Variants in AFF3 observed in about 807,000 individuals in gnomAD.
The protein encoded by AFF3 is ALF transcription elongation factor 3.
A neutral mutation model predicts 129.7 loss-of-function variants in AFF3; 32 were observed. That is an observed-to-expected ratio of 0.25 (90% CI 0.19 to 0.33). AFF3 has a LOEUF of 0.33. Ranked by LOEUF, AFF3 falls within the 10% of genes least tolerant of loss-of-function variation. AFF3 has a pLI of 1.00. For synonymous variants in AFF3, 644 were observed against 635.4 expected (o/e 1.01, Z -0.20); for missense variants, 1,373 against 1,592.0 (o/e 0.86, Z 2.34).
At chr2:99,648,917 A>ACTCTCT (rs769906171) in intron 13 of AFF3, among the ~76,000 whole-genome samples, 10 of 46,872 alleles carry the variant, frequency 2.1e-4, no homozygotes, top group African/African-American at 6.5e-4. Flanking sequence ...ACACACACAC[A>ACTCTCT]CTCTCTCTCT....
intron 4 of AFF3, among the ~76,000 whole-genome samples, chr2:100,099,849 T>G (rs1172841800): frequency 6.6e-6 from 1 of 152,062 alleles, no homozygotes; most frequent in Admixed American, 6.5e-5. Context: ...GTATCACACA[T>G]AGTAATAAGC....
intron 7 of AFF3, among the ~76,000 whole-genome samples, chr2:99,930,661 A>C (rs1696605327): frequency 1.3e-5 from 2 of 152,162 alleles, no homozygotes; most frequent in Non-Finnish European, 2.9e-5. Flanking sequence ...TGGGTTCAAA[A>C]GCTTTGATGA....
chr2:100,107,543 TA>T, intron 2 of AFF3: 1 of 980,432 alleles, frequency 1.0e-6, no homozygotes. Flanking sequence ...GCTCATCCTA[TA>T]GTGCTTGTGA....
rs1302978048 is a variant in AFF3 at position 99,566,231 on chromosome 2, C to T, written c.2983-608G>A. 2.0e-5 allele frequency among the ~76,000 whole-genome samples: 3 copies of T among 151,796 alleles called. No homozygotes were observed. In the East Asian group the frequency reaches 5.8e-4, roughly 29 times the overall value. On this transcript the variant is annotated intron_variant, in intron 19 of 24. Coordinates refer to ENST00000672756, the MANE Select transcript of AFF3 (RefSeq NM_001386135.1). ...AGCTGGAATTACAGGCAGGCATAGG[C>T]CACCACACCTGGCCTCAATTGTTTT...
At chr2:99,963,355 C>T (rs1202491590) in intron 7 of AFF3, among the ~76,000 whole-genome samples, 1 of 152,068 alleles carries the variant, frequency 6.6e-6, no homozygotes, top group Non-Finnish European at 1.5e-5. Flanking sequence ...AAAAGAACAT[C>T]AGAATGGCTA....
At chr2:99,832,582 A>C (rs1688585766) in intron 8 of AFF3, among the ~76,000 whole-genome samples, 1 of 152,256 alleles carries the variant, frequency 6.6e-6, no homozygotes, top group South Asian at 2.1e-4. Context: ...TTCACCCCAA[A>C]GGATTAGCAT....
intron 7 of AFF3, among the ~76,000 whole-genome samples, chr2:99,909,519 TG>T (rs1308411005): frequency 1.3e-5 from 2 of 151,582 alleles, no homozygotes; most frequent in Admixed American, 1.3e-4. Flanking sequence ...GACGAGTTAC[TG>T]GGTGCAGCAC....
chr2:100,105,779 C>G, intron 2 of AFF3, 196 bp from the exon 3 acceptor site: 1 of 1,358,650 alleles, frequency 7.4e-7, no homozygotes, highest in Non-Finnish European at 9.8e-7. Context: ...ACTCTCCTGA[C>G]CTCTTGGCCA....
chr2:99,598,562 G>T (rs968621361), intron 14 of AFF3, among the ~76,000 whole-genome samples: 4 of 152,258 alleles, frequency 2.6e-5, no homozygotes, highest in African/African-American at 9.6e-5. Flanking sequence ...GCTGAGCCCA[G>T]TGGGTTTTCT....
chr2:100,063,982 G>A (rs1467959293), intron 4 of AFF3, among the ~76,000 whole-genome samples: 5 of 151,894 alleles, frequency 3.3e-5, no homozygotes, highest in South Asian at 2.1e-4. Context: ...CCAGCTACTC[G>A]GGAGGCTGAG....
chr2:99,908,000 T>C (rs576854776), intron 7 of AFF3, among the ~76,000 whole-genome samples: 1 of 152,274 alleles, frequency 6.6e-6, no homozygotes, highest in East Asian at 1.9e-4. Flanking sequence ...TATCTGGTCT[T>C]TAACAAAACT....
chr2:99,712,713 T>C (rs1678008449), intron 11 of AFF3, among the ~76,000 whole-genome samples: 1 of 152,032 alleles, frequency 6.6e-6, no homozygotes, highest in Non-Finnish European at 1.5e-5. Context: ...GTGTAGGTTA[T>C]AGTCATAAAG....
At chr2:99,985,690 G>A (rs1013101065) in intron 7 of AFF3, among the ~76,000 whole-genome samples, 1 of 152,262 alleles carries the variant, frequency 6.6e-6, no homozygotes. Flanking sequence ...ATGAGCAAAA[G>A]TAATTGTATC....
At chr2:99,722,473 G>A (rs1342230530) in intron 11 of AFF3, among the ~76,000 whole-genome samples, 2 of 152,118 alleles carry the variant, frequency 1.3e-5, no homozygotes, top group Non-Finnish European at 2.9e-5. Context: ...GATCTGTTTC[G>A]GTTTTGCCCT....
intron 13 of AFF3, among the ~76,000 whole-genome samples, chr2:99,633,541 C>A (rs955049015): frequency 1.3e-4 from 20 of 152,302 alleles, no homozygotes; most frequent in African/African-American, 4.3e-4. Flanking sequence ...TGTCCCCCAA[C>A]AAAACCAGCA....
intron 4 of AFF3, among the ~76,000 whole-genome samples, chr2:100,023,858 G>C (rs951705766): frequency 2.0e-5 from 3 of 152,232 alleles, no homozygotes; most frequent in African/African-American, 7.2e-5. Flanking sequence ...ATCTCAGACA[G>C]GTGGCCTGGG....
In AFF3 at chr2:99,840,032, A is replaced by ATTTTTTTTTTTGTTTTTT. The variant is rs1415280488; in HGVS notation, c.874-2509_874-2508insAAAAAACAAAAAAAAAAA. On this transcript the variant is annotated intron_variant, in intron 7 of 24. Coordinates refer to ENST00000672756, the MANE Select transcript of AFF3 (RefSeq NM_001386135.1). ...AATTGGGTTGCCTTTTTATTGTTTT[A>ATTTTTTTTTTTGTTTTTT]TTATAGGAGTGCTTTGTATATTCTG... 7.4e-3 allele frequency among the ~76,000 whole-genome samples: 1,121 copies of ATTTTTTTTTTTGTTTTTT among 152,192 alleles called. 10 individuals are homozygous for ATTTTTTTTTTTGTTTTTT. Among genetic ancestry groups the ATTTTTTTTTTTGTTTTTT allele is most frequent in the Middle Eastern group, 0.027 (8 of 294 alleles).
intron 1 of AFF3, among the ~76,000 whole-genome samples, chr2:100,129,823 G>C (rs1248511229): frequency 6.6e-6 from 1 of 152,150 alleles, no homozygotes; most frequent in Non-Finnish European, 1.5e-5. Flanking sequence ...AGAGTAAATT[G>C]AGACTCAGAG....
At chr2:99,592,794 G>A (rs903842407) in intron 15 of AFF3, among the ~76,000 whole-genome samples, 2 of 152,018 alleles carry the variant, frequency 1.3e-5, no homozygotes, top group African/African-American at 4.8e-5. Flanking sequence ...AAATTAGCTG[G>A]GCATGGTGGT....
Sources: allele counts gnomAD v4.1 joint callset (sites outside exome capture counted in the v4.1 genomes callset), GRCh38; gene constraint gnomAD v4.1.1; transcripts MANE v1.5; gene names NCBI Gene and HGNC (gene_info 2026-07-23, HGNC 2026-07-21).